The following ERBB4 variants were observed in gnomAD, a reference collection of about 807,000 sequenced individuals.
ERBB4 encodes the protein receptor tyrosine-protein kinase erbB-4.
In ERBB4, 42 loss-of-function variants were observed where a neutral mutation model predicts 158.0. That is an observed-to-expected ratio of 0.27 (90% CI 0.21 to 0.34). The LOEUF (loss-of-function observed/expected upper bound fraction) is 0.34, where lower values mean the gene tolerates loss of function less well. ERBB4 is among the 10% of genes least tolerant of loss of function. ERBB4 has a pLI of 1.00. For missense variants in ERBB4, 1,333 were observed against 1,624.1 expected (o/e 0.82, Z 3.08); for synonymous variants, 583 against 558.7 (o/e 1.04, Z -0.61).
chr2:211,760,679 C>G (rs1290617880), intron 4 of ERBB4, among the ~76,000 whole-genome samples: 1 of 152,098 alleles, frequency 6.6e-6, no homozygotes, highest in Non-Finnish European at 1.5e-5. Flanking sequence ...ACTTATTTCA[C>G]TTTGTTTTTA....
intron 25 of ERBB4, among the ~76,000 whole-genome samples, chr2:211,402,924 C>T (rs537393470): frequency 3.9e-5 from 6 of 152,130 alleles, no homozygotes; most frequent in Admixed American, 3.3e-4. Context: ...TATTTTCTAA[C>T]CTCTTTGACC....
intron 25 of ERBB4, among the ~76,000 whole-genome samples, chr2:211,397,294 A>G (rs1482789131): frequency 6.6e-6 from 1 of 152,246 alleles, no homozygotes; most frequent in South Asian, 2.1e-4. Flanking sequence ...ATTTTCTAAA[A>G]TAAAAAAATG....
intron 2 of ERBB4, among the ~76,000 whole-genome samples, chr2:212,092,033 T>G (rs74506729): frequency 0.024 from 3,704 of 152,158 alleles, 154 homozygotes; most frequent in African/African-American, 0.084. Context: ...TCCACTTCAT[T>G]TAGGGAACCT....
At chr2:211,532,503 G>A (rs956999751) in intron 20 of ERBB4, among the ~76,000 whole-genome samples, 6 of 151,924 alleles carry the variant, frequency 3.9e-5, no homozygotes, top group African/African-American at 1.4e-4. Context: ...AAGGAAAATT[G>A]AAAAATATAT....
intron 3 of ERBB4, among the ~76,000 whole-genome samples, chr2:211,923,095 T>C (rs1451875954): frequency 3.3e-5 from 5 of 152,118 alleles, no homozygotes; most frequent in Non-Finnish European, 5.9e-5. Context: ...CTGAGATTCA[T>C]AGGAGAATTC....
chr2:212,070,465 T>C (rs773655337), intron 2 of ERBB4, among the ~76,000 whole-genome samples: 8 of 152,056 alleles, frequency 5.3e-5, no homozygotes, highest in Non-Finnish European at 1.2e-4. Flanking sequence ...ATTAAGACAA[T>C]GTGGTAGTGT....
chr2:211,509,919 C>T (rs770705721), intron 20 of ERBB4, among the ~76,000 whole-genome samples: 2 of 151,966 alleles, frequency 1.3e-5, no homozygotes, highest in Non-Finnish European at 2.9e-5. Flanking sequence ...GTCTGAATGG[C>T]TATTCATAAA....
chr2:212,102,176 T>C (rs1291040512), intron 2 of ERBB4, among the ~76,000 whole-genome samples: 1 of 148,018 alleles, frequency 6.8e-6, no homozygotes, highest in African/African-American at 2.4e-5. Flanking sequence ...CTTTTTTCTT[T>C]ACCGCTGGTC....
intron 2 of ERBB4, among the ~76,000 whole-genome samples, chr2:212,061,221 C>G (rs1401503409): frequency 6.6e-6 from 1 of 151,464 alleles, no homozygotes; most frequent in Non-Finnish European, 1.5e-5. Context: ...TTTTGGGAGG[C>G]TGAGGTGGGC....
chr2:211,504,605 C>T (rs979161786), intron 20 of ERBB4, among the ~76,000 whole-genome samples: 1 of 152,006 alleles, frequency 6.6e-6, no homozygotes, highest in African/African-American at 2.4e-5. Context: ...GCAATGGATC[C>T]TAACCAAAAT....
intron 20 of ERBB4, among the ~76,000 whole-genome samples, chr2:211,502,723 T>C (rs1204130928): frequency 6.6e-6 from 1 of 152,206 alleles, no homozygotes; most frequent in Admixed American, 6.5e-5. Context: ...CCATCTTTGA[T>C]GGCTCATTTA....
chr2:212,137,780 A>T (rs2080320700), intron 1 of ERBB4, among the ~76,000 whole-genome samples: 1 of 152,152 alleles, frequency 6.6e-6, no homozygotes, highest in Non-Finnish European at 1.5e-5. Context: ...ACAAATTTAT[A>T]CTCCCACCAA....
chr2:212,017,892 A>C (rs973648056), intron 2 of ERBB4, among the ~76,000 whole-genome samples: 1 of 152,156 alleles, frequency 6.6e-6, no homozygotes, highest in South Asian at 2.1e-4. Context: ...AAAATTTTCT[A>C]TCTTGATTTC....
At chr2:211,836,929 A>T (rs573008063) in intron 3 of ERBB4, among the ~76,000 whole-genome samples, 2 of 152,184 alleles carry the variant, frequency 1.3e-5, no homozygotes, top group East Asian at 3.9e-4. Flanking sequence ...AGTTAAGTAC[A>T]GTAGAAGTAA....
At chr2:212,213,833 T>C (rs1352479838) in intron 1 of ERBB4, among the ~76,000 whole-genome samples, 1 of 151,870 alleles carries the variant, frequency 6.6e-6, no homozygotes, top group Admixed American at 6.6e-5. Flanking sequence ...AGGTTGTAGC[T>C]GTATTCTTTA....
chr2:211,649,213 G>T (rs897642791), intron 16 of ERBB4, among the ~76,000 whole-genome samples: 1 of 151,766 alleles, frequency 6.6e-6, no homozygotes, highest in Non-Finnish European at 1.5e-5. Context: ...AAGACATTGA[G>T]CGATTTTTTT....
At chr2:211,897,014 T>G (rs999067586) in intron 3 of ERBB4, among the ~76,000 whole-genome samples, 1 of 151,116 alleles carries the variant, frequency 6.6e-6, no homozygotes, top group Non-Finnish European at 1.5e-5. Flanking sequence ...CATCAGCAAT[T>G]TATCATTACA....
At chr2:212,274,344 C>T (rs922670032) in intron 1 of ERBB4, among the ~76,000 whole-genome samples, 2 of 151,772 alleles carry the variant, frequency 1.3e-5, no homozygotes, top group Non-Finnish European at 2.9e-5. Context: ...TCAAGGTTTA[C>T]GGTATTGCAC....
intron 20 of ERBB4, among the ~76,000 whole-genome samples, chr2:211,442,922 T>C (rs527986951): frequency 2.5e-4 from 38 of 152,066 alleles, no homozygotes; most frequent in Non-Finnish European, 4.0e-4. Flanking sequence ...CCTTATGGAC[T>C]GTTGAGTGCC....
Sources: allele counts gnomAD v4.1 joint callset (sites outside exome capture counted in the v4.1 genomes callset), GRCh38; gene constraint gnomAD v4.1.1; transcripts MANE v1.5; gene names NCBI Gene and HGNC (gene_info 2026-07-23, HGNC 2026-07-21).